The following LINGO2 variants were observed in gnomAD, a reference collection of about 807,000 sequenced individuals.
The protein encoded by LINGO2 is leucine rich repeat and Ig domain containing 2.
Under a neutral mutation model 30.6 loss-of-function variants are expected in LINGO2, and 14 were observed. The observed-to-expected ratio is 0.46, with a 90% CI of 0.30 to 0.72. The LOEUF (loss-of-function observed/expected upper bound fraction) is 0.72. LINGO2 is among the 30% of genes least tolerant of loss of function. The probability of loss-of-function intolerance (pLI) is 0.07; values close to 1 mark genes in which losing one functional copy is unlikely to be tolerated. For missense variants in LINGO2, 729 were observed against 751.7 expected (o/e 0.97, Z 0.35); for synonymous variants, 317 against 288.5 (o/e 1.10, Z -1.00).
At chr9:28,708,661 T>C in the LINGO2 span, among the ~76,000 whole-genome samples, 1 of 152,068 alleles carries the variant, frequency 6.6e-6, no homozygotes, top group African/African-American at 2.4e-5. Flanking sequence ...ACCACCTATG[T>C]ACACGGTGCT....
rs559812388 is a variant in LINGO2, at chr9:28,083,807, G to A, written c.-86-71402C>T. 2.4e-3 allele frequency among the ~76,000 whole-genome samples: 359 copies of A among 152,128 alleles called. 2 individuals are homozygous for A. The highest frequency in any genetic ancestry group is 8.3e-3 in the African/African-American group (344 of 41,512). The stretch of plus-strand genomic sequence containing the variant: ...ATCAATAGTATTATTTTTTTCTTGA[G>A]TTTGTTAACTATAGTAATTGCAAAA... On this transcript the variant is annotated intron_variant, in intron 4 of 5. Coordinates refer to ENST00000379992, the Ensembl canonical transcript of LINGO2.
At chr9:28,739,477 A>G in the LINGO2 span, among the ~76,000 whole-genome samples, 1 of 151,966 alleles carries the variant, frequency 6.6e-6, no homozygotes, top group African/African-American at 2.4e-5. Context: ...TAAAAGTGTA[A>G]ACATTTATTA....
intron 2 of LINGO2, among the ~76,000 whole-genome samples, chr9:28,411,645 C>T (rs1822768179): frequency 6.6e-6 from 1 of 152,100 alleles, no homozygotes; most frequent in Non-Finnish European, 1.5e-5. Flanking sequence ...GTAGATGCCA[C>T]ATTTTGCTTA....
At chr9:28,174,774 G>C (rs80095685) in intron 4 of LINGO2, among the ~76,000 whole-genome samples, 1 of 151,940 alleles carries the variant, frequency 6.6e-6, no homozygotes, top group Non-Finnish European at 1.5e-5. Context: ...ATTATACATC[G>C]AATCCAGTGC....
chr9:28,639,769 T>G (rs1364458744), intron 1 of LINGO2, among the ~76,000 whole-genome samples: 24 of 152,178 alleles, frequency 1.6e-4, no homozygotes, highest in Admixed American at 1.3e-4. Flanking sequence ...CTTGACTGTT[T>G]ATCCAATTTG....
chr9:28,375,140 C>T (rs1162913357), intron 2 of LINGO2, among the ~76,000 whole-genome samples: 1 of 128,600 alleles, frequency 7.8e-6, no homozygotes, highest in Non-Finnish European at 1.8e-5. Flanking sequence ...ACACATACAC[C>T]CCACACTAAG....
At chr9:28,343,034 C>G (rs1053379266) in intron 3 of LINGO2, among the ~76,000 whole-genome samples, 1 of 152,130 alleles carries the variant, frequency 6.6e-6, no homozygotes, top group African/African-American at 2.4e-5. Flanking sequence ...AACATCTGCT[C>G]TAATCAAAAC....
chr9:28,195,580 C>A (rs768317187), intron 4 of LINGO2, among the ~76,000 whole-genome samples: 1 of 149,814 alleles, frequency 6.7e-6, no homozygotes, highest in Non-Finnish European at 1.5e-5. Flanking sequence ...TTTTCACAAC[C>A]CTATATAAAC....
chr9:28,333,021 T>G (rs1036353267), intron 3 of LINGO2, among the ~76,000 whole-genome samples: 1 of 152,312 alleles, frequency 6.6e-6, no homozygotes, highest in South Asian at 2.1e-4. Context: ...GATTCAGAGA[T>G]ATTTATCTTT....
chr9:28,695,048 T>C, the LINGO2 span, among the ~76,000 whole-genome samples: 1 of 150,038 alleles, frequency 6.7e-6, no homozygotes, highest in African/African-American at 2.5e-5. Flanking sequence ...CAATCTCTAA[T>C]ACAAACAAAC....
intron 4 of LINGO2, among the ~76,000 whole-genome samples, chr9:28,231,626 T>C (rs1257980747): frequency 2.6e-5 from 4 of 152,126 alleles, no homozygotes; most frequent in Non-Finnish European, 5.9e-5. Context: ...TCTTCCCTAA[T>C]GGGTTTCAAA....
intron 2 of LINGO2, among the ~76,000 whole-genome samples, chr9:28,387,580 C>G (rs1821640481): frequency 6.6e-6 from 1 of 152,184 alleles, no homozygotes; most frequent in South Asian, 2.1e-4. Flanking sequence ...TCTTTATGAG[C>G]TGTAACACTC....
At chr9:28,109,101 C>T (rs1490930578) in intron 4 of LINGO2, among the ~76,000 whole-genome samples, 1 of 152,182 alleles carries the variant, frequency 6.6e-6, no homozygotes, top group Non-Finnish European at 1.5e-5. Context: ...ATATGCAAAT[C>T]AATAAACATA....
At chr9:29,130,191 A>T in the LINGO2 span, among the ~76,000 whole-genome samples, 47 of 152,162 alleles carry the variant, frequency 3.1e-4, 1 homozygote. Context: ...CTTGCAGAGG[A>T]TATAAGTTTT....
intron 1 of LINGO2, among the ~76,000 whole-genome samples, chr9:28,612,797 G>A (rs145483447): frequency 0.012 from 1,770 of 152,242 alleles, 15 homozygotes; most frequent in Middle Eastern, 0.02. Context: ...GAGAAAGCAT[G>A]ATTTGTTTTG....
chr9:28,683,516 T>A, the LINGO2 span, among the ~76,000 whole-genome samples: 1 of 152,316 alleles, frequency 6.6e-6, no homozygotes, highest in African/African-American at 2.4e-5. Context: ...ACCGAGCAAT[T>A]AGATACATGC....
At chr9:28,293,801 G>A (rs1376785870) in intron 4 of LINGO2, among the ~76,000 whole-genome samples, 1 of 152,124 alleles carries the variant, frequency 6.6e-6, no homozygotes, top group Non-Finnish European at 1.5e-5. Context: ...AGACTTAAAG[G>A]TATAAGACTA....
intron 4 of LINGO2, among the ~76,000 whole-genome samples, chr9:28,026,061 C>T (rs1823361124): frequency 6.6e-6 from 1 of 152,158 alleles, no homozygotes; most frequent in Admixed American, 6.5e-5. Flanking sequence ...GTTCTAGCTA[C>T]TGAGGCCTTC....
chr9:28,327,755 A>G (rs1825281255), intron 3 of LINGO2, among the ~76,000 whole-genome samples: 1 of 152,244 alleles, frequency 6.6e-6, no homozygotes, highest in South Asian at 2.1e-4. Context: ...CTGATAAAAT[A>G]TACTGGCAGC....
Sources: gnomAD v4.1 joint callset for allele counts (sites outside exome capture counted in the v4.1 genomes callset) on GRCh38, gnomAD v4.1.1 for gene constraint, MANE v1.5 for transcripts, NCBI Gene and HGNC (gene_info 2026-07-23, HGNC 2026-07-21) for gene names.